The following SENP1 variants were observed in gnomAD, a reference collection of about 807,000 sequenced individuals.
SENP1 encodes the protein sentrin-specific protease 1.
Under a neutral mutation model 93.0 loss-of-function variants are expected in SENP1, and 21 were observed. That is an observed-to-expected ratio of 0.23 (90% CI 0.16 to 0.33). The LOEUF (loss-of-function observed/expected upper bound fraction) is 0.33, where lower values mean the gene tolerates loss of function less well. Among genes scored for constraint, SENP1 ranks in the 10% least tolerant of loss-of-function variants. The pLI, the probability that SENP1 is intolerant of heterozygous loss-of-function variation, is 1.00. For missense variants in SENP1, 591 were observed against 758.7 expected, an observed-to-expected ratio of 0.78 and a Z score of 2.60; for synonymous variants, 256 against 259.6, an observed-to-expected ratio of 0.99 and a Z score of 0.13.
chr12:48,076,644 T>G (rs1180740120), intron 6 of SENP1, among the ~76,000 whole-genome samples: 5 of 86,490 alleles, frequency 5.8e-5, no homozygotes, highest in Non-Finnish European at 1.4e-4. Context: ...TAGTTTTTGC[T>G]TTTTTTTTTT....
intron 6 of SENP1, among the ~76,000 whole-genome samples, chr12:48,081,892 TTTG>T (rs1231882986): frequency 2.7e-5 from 4 of 150,112 alleles, no homozygotes; most frequent in Non-Finnish European, 5.9e-5. Context: ...ACAAACTTTT[TTTG>T]TTGTTGTTGT....
At position 48,053,839 on chromosome 12, in the gene SENP1, C is replaced by G. The variant is rs531282189; in HGVS notation, c.1408-4707G>C. ...TTGTTCCTCATTGGCCTTTCACTAG[C>G]TGGTGAAGTTAGAAATACTGTATTC... On this transcript the variant is annotated intron_variant, in intron 13 of 17. Coordinates refer to ENST00000549518, the MANE Select transcript of SENP1 (RefSeq NM_001267594.2). 5.3e-5 allele frequency among the ~76,000 whole-genome samples: 8 copies of G among 152,298 alleles called. No individual in the cohort carries two copies. In the South Asian group the frequency reaches 1.7e-3, roughly 32 times the overall value.
intron 5 of SENP1, among the ~76,000 whole-genome samples, chr12:48,087,059 C>T (rs1944922856): frequency 6.6e-6 from 1 of 151,364 alleles, no homozygotes; most frequent in Admixed American, 6.6e-5. Flanking sequence ...AAAAACAAAA[C>T]AAAACAAAAC....
chr12:48,047,974 C>T, intron 15 of SENP1, 27 bp downstream of exon 15: 1 of 1,500,424 alleles, frequency 6.7e-7, no homozygotes, highest in South Asian at 1.1e-5. Flanking sequence ...CGATATCAAA[C>T]TCTTCTGTCC....
rs1943716530 is a variant in SENP1, at chr12:48,071,680, T to C, written c.982A>G (p.Thr328Ala). ...TCCAAAGTTTACCTGGGAGTTGGAGTCTGGGAATCTTTCACTTTCAGTAAA... is the reference window on the plus strand; with the variant it reads ...TCCAAAGTTTACCTGGGAGTTGGAGCCTGGGAATCTTTCACTTTCAGTAAA... ...VILLKVKDSQ[T>A]PTPSSTFFQA... The change falls in exon 9 of 18, where the codon ACT (threonine) becomes GCT (alanine). Residue 328 changes from threonine to alanine, a missense_variant. Thr to Ala is a moderately conservative substitution (Grantham distance 58). Around this residue, in one of 4 missense-constraint regions of SENP1, gnomAD observed 238 missense variants for 259.1 expected, o/e 0.92. Transcript: ENST00000549518. 6.2e-6 allele frequency: 10 copies of C among 1,606,480 alleles called. No individual in the cohort carries two copies. The highest frequency in any genetic ancestry group is 8.5e-6 in the Non-Finnish European group (10 of 1,173,830).
chr12:48,103,315 AAAG>A (rs1351404359), intron 1 of SENP1, among the ~76,000 whole-genome samples: 1 of 152,214 alleles, frequency 6.6e-6, no homozygotes, highest in Non-Finnish European at 1.5e-5. Context: ...GATGGGGCAA[AAAG>A]AAGACAAGAA....
chr12:48,047,994 T>A lies in SENP1; in HGVS notation c.1691+7A>T. The A allele has an allele frequency of 6.3e-7, 1 of 1,582,466 alleles. No homozygotes were observed. Among genetic ancestry groups the A allele is most frequent in the Non-Finnish European group, 8.7e-7 (1 of 1,151,618 alleles). On this transcript the variant is annotated splice_region_variant and intron_variant, in intron 15 of 17. Coordinates refer to ENST00000549518, the MANE Select transcript of SENP1 (RefSeq NM_001267594.2). The stretch of plus-strand genomic sequence containing the variant: ...TCAAACTCTTCTGTCCTCAACTCCC[T>A]ACTTACAAGAGTATTCTGCAGGCTT...
At chr12:48,064,325 G>C (rs779459083) in intron 12 of SENP1, among the ~76,000 whole-genome samples, 1 of 152,074 alleles carries the variant, frequency 6.6e-6, no homozygotes, top group Non-Finnish European at 1.5e-5. Flanking sequence ...ATGCTCACCA[G>C]CTACATGGTA....
intron 5 of SENP1, among the ~76,000 whole-genome samples, chr12:48,087,161 G>A (rs1039270304): frequency 6.6e-6 from 1 of 152,044 alleles, no homozygotes; most frequent in Non-Finnish European, 1.5e-5. Flanking sequence ...AGATACTTTT[G>A]GGTCAACTGA....
chr12:48,070,301 T>C (rs1943598142), intron 9 of SENP1, among the ~76,000 whole-genome samples: 1 of 152,192 alleles, frequency 6.6e-6, no homozygotes, highest in Non-Finnish European at 1.5e-5. Context: ...CTCCATCATG[T>C]CTCTGCTCAA....
chr12:48,086,917 T>C (rs1039898189), intron 5 of SENP1, among the ~76,000 whole-genome samples: 4 of 152,064 alleles, frequency 2.6e-5, no homozygotes, highest in Non-Finnish European at 5.9e-5. Context: ...CGGGCACCTG[T>C]AGTCCCAGCT....
chr12:48,058,245 C>G (rs1028694547), intron 13 of SENP1, among the ~76,000 whole-genome samples: 1 of 152,044 alleles, frequency 6.6e-6, no homozygotes, highest in Non-Finnish European at 1.5e-5. Context: ...TGCACTCGGC[C>G]CATTTTACTT....
chr12:48,062,409 T>C (rs971135526), intron 13 of SENP1, among the ~76,000 whole-genome samples: 1 of 152,238 alleles, frequency 6.6e-6, no homozygotes, highest in African/African-American at 2.4e-5. Context: ...GAGGGTTTCT[T>C]CTAAAGAAAG....
intron 1 of SENP1, among the ~76,000 whole-genome samples, chr12:48,104,902 G>C (rs943498154): frequency 1.3e-5 from 2 of 152,128 alleles, no homozygotes; most frequent in African/African-American, 4.8e-5. Flanking sequence ...TTCCTAAAAG[G>C]GACTAGAGAG....
intron 5 of SENP1, 67 bp downstream of exon 5, chr12:48,088,734 C>T: frequency 7.0e-7 from 1 of 1,432,040 alleles, no homozygotes; most frequent in East Asian, 2.4e-5. Flanking sequence ...TAATAACTAT[C>T]TACCTTTTAG....
intron 4 of SENP1, among the ~76,000 whole-genome samples, chr12:48,092,261 C>T (rs1478201644): frequency 6.6e-6 from 1 of 152,000 alleles, no homozygotes; most frequent in Non-Finnish European, 1.5e-5. Flanking sequence ...ACTGAGGGTC[C>T]GTGTCTAGCC....
intron 6 of SENP1, among the ~76,000 whole-genome samples, chr12:48,078,394 C>T (rs1433251803): frequency 6.8e-6 from 1 of 147,178 alleles, no homozygotes; most frequent in African/African-American, 2.5e-5. Flanking sequence ...CATATACACA[C>T]ACATATATAC....
chr12:48,096,220 G>A, intron 4 of SENP1, 123 bp downstream of exon 4: 1 of 578,152 alleles, frequency 1.7e-6, no homozygotes, highest in East Asian at 3.0e-5. Flanking sequence ...TGATGTTTTA[G>A]TGAAGAAAAT....
At chr12:48,055,826 TTTTATATA>T (rs1942210601) in intron 13 of SENP1, among the ~76,000 whole-genome samples, 1 of 144,464 alleles carries the variant, frequency 6.9e-6, no homozygotes, top group South Asian at 2.1e-4. Context: ...TTAATATATA[TTTTATATA>T]TTTATATATA....
Sources: gnomAD v4.1 joint callset for allele counts (sites outside exome capture counted in the v4.1 genomes callset) on GRCh38, gnomAD v4.1.1 for gene constraint, gnomAD v4.1.1 regional missense constraint, MANE v1.5 for transcripts, NCBI Gene and HGNC (gene_info 2026-07-23, HGNC 2026-07-21) for gene names.